Variants in GLI3 observed in about 807,000 individuals in gnomAD.
The protein encoded by GLI3 is GLI family zinc finger 3.
In GLI3, 20 loss-of-function variants were observed where a neutral mutation model predicts 100.8. That is an observed-to-expected ratio of 0.20 (90% CI 0.14 to 0.29). GLI3 has a LOEUF of 0.29. Among genes scored for constraint, GLI3 ranks in the 10% least tolerant of loss-of-function variants. The pLI is 1.00. For synonymous variants in GLI3, 938 were observed against 860.5 expected (o/e 1.09, Z -1.58); for missense variants, 2,040 against 2,128.5 (o/e 0.96, Z 0.82).
intron 2 of GLI3, among the ~76,000 whole-genome samples, chr7:42,180,907 T>C (rs1180530687): frequency 6.6e-5 from 10 of 152,230 alleles, no homozygotes; most frequent in Non-Finnish European, 2.9e-5. Flanking sequence ...CCTGCACAGA[T>C]GTTTCCTTAC....
rs753894499 is a variant in GLI3, at chr7:41,966,049, C to G, written c.3024G>C (p.Pro1008=). ...CCAGGCCCTCGGAGCCTGTCCGCAC[C>G]GGGTCGCTGGCCCTCCTCACGCCGT... ...PGHGVRRASD[P]VRTGSEGLAL... is the part of the protein sequence containing the mutation. The change falls in exon 15 of 15, where the codon CCG becomes CCC. Residue 1008 remains proline (P), a synonymous_variant. Transcript: ENST00000395925. The surrounding 1 kb of genome is among the most constrained non-coding windows in gnomAD (Gnocchi z 5.8). 7 of 1,585,018 alleles carry G rather than the reference C, an allele frequency of 4.4e-6. No homozygotes were observed. In the East Asian group the frequency reaches 1.6e-4, roughly 36 times the overall value.
chr7:42,171,478 G>T (rs1787371949), intron 2 of GLI3, among the ~76,000 whole-genome samples: 1 of 152,136 alleles, frequency 6.6e-6, no homozygotes, highest in African/African-American at 2.4e-5. Context: ...GTTAACAATT[G>T]TCATCCACAC....
Position 42,087,697 on chromosome 7 carries a change from GCCC to G in GLI3, c.368-10843_368-10841del, listed in dbSNP as rs1158298997. ...TGACAGAAATGACAGGGGCCCCTTT[GCCC>G]CCACCACCACCTACTTTTTTTTTTT... On this transcript the variant is annotated intron_variant, in intron 3 of 14. Transcript: ENST00000395925. 2.1e-5 allele frequency among the ~76,000 whole-genome samples: 3 copies of G among 143,168 alleles called. No individual in the cohort carries two copies. In the East Asian group the frequency reaches 6.0e-4, roughly 28 times the overall value. The allele number at this position is 143,168 out of a possible 152,430, so 93.9% of individuals were successfully genotyped here.
chr7:42,250,504 G>A (rs1436632285), intron 1 of GLI3, among the ~76,000 whole-genome samples: 1 of 152,184 alleles, frequency 6.6e-6, no homozygotes, highest in African/African-American at 2.4e-5. Context: ...GCTGAGATGT[G>A]TGGCCCAGCA....
At chr7:42,232,437 T>C (rs983502184) in intron 1 of GLI3, among the ~76,000 whole-genome samples, 1 of 152,230 alleles carries the variant, frequency 6.6e-6, no homozygotes, top group African/African-American at 2.4e-5. Flanking sequence ...GAAGAAGTGC[T>C]GGGCAGCATG....
At chr7:42,101,509 G>A (rs1385432417) in intron 3 of GLI3, among the ~76,000 whole-genome samples, 1 of 152,022 alleles carries the variant, frequency 6.6e-6, no homozygotes, top group Non-Finnish European at 1.5e-5. Context: ...ATGAGGCTGA[G>A]GCAGTAGGAT....
chr7:42,021,688 G>T (rs1788947549), intron 10 of GLI3, among the ~76,000 whole-genome samples: 1 of 152,194 alleles, frequency 6.6e-6, no homozygotes, highest in African/African-American at 2.4e-5. Context: ...GACTGAACCA[G>T]TATCCAACAT....
intron 2 of GLI3, among the ~76,000 whole-genome samples, chr7:42,179,306 CGTGGGTATGTCT>C (rs1787544482): frequency 6.6e-6 from 1 of 151,694 alleles, no homozygotes; most frequent in Non-Finnish European, 1.5e-5. Context: ...ATTGTCCAGT[CGTGGGTATGTCT>C]GTATTGGCAG....
At position 41,963,477 on chromosome 7, in the gene GLI3, C is replaced by G. The variant is rs1418329892; in HGVS notation, c.*853G>C. ...TTCTTACCAGAACAGATAAAAGTAGCAATGTGGCTGAGTGTCACCAACTGT... is the reference window on the plus strand; with the variant it reads ...TTCTTACCAGAACAGATAAAAGTAGGAATGTGGCTGAGTGTCACCAACTGT... On this transcript the variant is annotated 3_prime_UTR_variant, in exon 15 of 15. Transcript: ENST00000395925. The G allele has an allele frequency of 6.6e-6, 1 of 152,196 alleles. No individual in the cohort carries two copies. Among genetic ancestry groups the G allele is most frequent in the Non-Finnish European group, 1.5e-5 (1 of 68,048 alleles). The allele number at this position is 152,196 out of a possible 1,614,324, so 9.4% of individuals were successfully genotyped here. A position where few individuals can be genotyped will look rare whatever the true frequency, so the allele number is the denominator to read the frequency against.
At chr7:41,999,783 C>T (rs1483971206) in intron 10 of GLI3, among the ~76,000 whole-genome samples, 2 of 152,136 alleles carry the variant, frequency 1.3e-5, no homozygotes, top group Non-Finnish European at 2.9e-5. Context: ...TGTCAAAATG[C>T]CATCAAAGTT....
rs755909964 is a variant in GLI3 at position 41,964,708 on chromosome 7, C to T, written c.4365G>A (p.Thr1455=). ...CTGAAATAGAGAATGAACCAGCTTT[C>T]GTGTCTTGCTGACTGAAGCCCACGG... ...DQTVGFSQQD[T]KAGSFSISDA... Residue 1455 remains threonine (T), a synonymous_variant, in exon 15 of 15, where the codon ACG becomes ACA. Coordinates refer to ENST00000395925, the MANE Select transcript of GLI3 (RefSeq NM_000168.6). The T allele has an allele frequency of 3.1e-6, 5 of 1,614,162 alleles. No individual in the cohort carries two copies. The highest frequency in any genetic ancestry group is 2.2e-5 in the South Asian group (2 of 91,090).
At chr7:42,013,980 C>T (rs1315826276) in intron 10 of GLI3, among the ~76,000 whole-genome samples, 3 of 152,212 alleles carry the variant, frequency 2.0e-5, no homozygotes, top group African/African-American at 4.8e-5. Flanking sequence ...TCATGCAGAA[C>T]ATCCACATCA....
intron 9 of GLI3, among the ~76,000 whole-genome samples, chr7:42,024,543 G>C (rs1424230647): frequency 1.3e-5 from 2 of 152,216 alleles, no homozygotes; most frequent in African/African-American, 2.4e-5. Flanking sequence ...AGATTCTGTG[G>C]ACATCTGGAC....
chr7:42,263,644 C>G (rs1166736846), intron 1 of GLI3, among the ~76,000 whole-genome samples: 2 of 152,038 alleles, frequency 1.3e-5, no homozygotes, highest in African/African-American at 4.8e-5. Flanking sequence ...GATGGGGTTT[C>G]ACCATGTTGG....
At position 42,026,400 on chromosome 7, in the gene GLI3, G is replaced by T. The variant is rs780680458; in HGVS notation, c.1041C>A (p.Ser347Arg). ...AGACGGGCGCGGAAGAGTAGGTGAA[G>T]CTCAAGGCAGGGCTGCACGGGGGAG... ...LSASAISPAL[S>R]FTYSSAPVSL... The change falls in exon 8 of 15, where the codon AGC becomes AGA. Residue 347 changes from serine (S) to arginine (R), a missense_variant. Physicochemically the swap from Ser to Arg is moderately radical, Grantham distance 110 (BLOSUM62 -1). This residue lies in a region of GLI3 where 603 missense variants were observed against 690.9 expected (regional missense o/e 0.87). Coordinates refer to ENST00000395925, the MANE Select transcript of GLI3 (RefSeq NM_000168.6). 5.6e-6 allele frequency: 9 copies of T among 1,613,924 alleles called. No individual in the cohort carries two copies. Among genetic ancestry groups the T allele is most frequent in the Non-Finnish European group, 7.6e-6 (9 of 1,179,948 alleles).
At chr7:42,046,182 C>T (rs1288489837) in intron 5 of GLI3, among the ~76,000 whole-genome samples, 2 of 152,176 alleles carry the variant, frequency 1.3e-5, no homozygotes, top group Admixed American at 6.5e-5. Context: ...GGATAATAGT[C>T]GGTTTCCACC....
intron 2 of GLI3, among the ~76,000 whole-genome samples, chr7:42,162,042 G>A (rs1787141121): frequency 1.3e-5 from 2 of 152,298 alleles, no homozygotes; most frequent in East Asian, 1.9e-4. Context: ...AAACAGAATG[G>A]CTGCTGCCCT....
At position 42,023,596 on chromosome 7, in the gene GLI3, C is replaced by T; in HGVS notation, c.1369G>A (p.Gly457Arg). ...GARGQQEQPE[G>R]TTLVKEEGDK... ...CCTTCCTCCTTGACAAGGGTTGTTC[C>T]TTCGGGCTGTTCCTGAAAGAAGAGG... Residue 457 changes from glycine (G) to arginine (R), a missense_variant, in exon 10 of 15, where the codon GGA (glycine) becomes AGA (arginine). Gly to Arg is a moderately radical substitution (Grantham distance 125). Coordinates refer to ENST00000395925, the MANE Select transcript of GLI3 (RefSeq NM_000168.6). 3.1e-6 allele frequency: 5 copies of T among 1,605,548 alleles called. No individual in the cohort carries two copies. The highest frequency in any genetic ancestry group is 3.4e-6 in the Non-Finnish European group (4 of 1,173,086).
chr7:42,148,107 T>G, intron 3 of GLI3, 119 bp downstream of exon 3: 1 of 1,063,940 alleles, frequency 9.4e-7, no homozygotes, highest in Non-Finnish European at 1.3e-6. Context: ...TTTTAATAAA[T>G]TATACAAGCC....
Sources: allele counts gnomAD v4.1 joint callset (sites outside exome capture counted in the v4.1 genomes callset), GRCh38; gene constraint gnomAD v4.1.1; regional missense constraint gnomAD v4.1.1; non-coding constraint Gnocchi (gnomAD v3.1); transcripts MANE v1.5; gene names NCBI Gene and HGNC (gene_info 2026-07-23, HGNC 2026-07-21).